ACSS3: variants seen among roughly 807,000 people sequenced by gnomAD.
The protein encoded by ACSS3 is acyl-CoA synthetase short-chain family member 3, mitochondrial.
In ACSS3, 64 loss-of-function variants were observed where a neutral mutation model predicts 84.2. That is an observed-to-expected ratio of 0.76 (90% CI 0.62 to 0.94). The LOEUF (loss-of-function observed/expected upper bound fraction) is 0.94. ACSS3 is among the 40% of genes least tolerant of loss of function. The pLI is 0.00. For synonymous variants in ACSS3, 317 were observed against 310.1 expected, an observed-to-expected ratio of 1.02 and a Z score of -0.23; for missense variants, 815 against 867.6, an observed-to-expected ratio of 0.94 and a Z score of 0.76.
intron 11 of ACSS3, among the ~76,000 whole-genome samples, chr12:81,222,017 T>C (rs960661459): frequency 3.3e-5 from 5 of 152,060 alleles, no homozygotes; most frequent in Non-Finnish European, 7.4e-5. Context: ...TAATAAAATA[T>C]AGCAGTGTCC....
chr12:81,148,979 C>G (rs948682452), intron 5 of ACSS3, among the ~76,000 whole-genome samples: 12 of 150,540 alleles, frequency 8.0e-5, no homozygotes, highest in African/African-American at 2.7e-4. Flanking sequence ...ACTCGAGAGG[C>G]TGAGGCAGGA....
At chr12:81,091,251 C>A (rs143053810) in intron 1 of ACSS3, among the ~76,000 whole-genome samples, 1 of 151,688 alleles carries the variant, frequency 6.6e-6, no homozygotes, top group African/African-American at 2.4e-5. Context: ...AGATTGTCAT[C>A]TTTTAGTAAA....
Position 81,216,963 on chromosome 12 carries a change from G to C in ACSS3, c.1417G>C (p.Gly473Arg), listed in dbSNP as rs1272466258. Residue 473 changes from glycine (G) to arginine (R), a missense_variant, in exon 10 of 16, where the codon GGG becomes CGG. Physicochemically the swap from Gly to Arg is moderately radical, Grantham distance 125 (BLOSUM62 -2). Transcript: ENST00000548058. ...AGGCAATTCTAAAACACCTCCACCAGGGCAAGCAGGAAAAAGCGTCCCAGG... is the reference window on the plus strand; with the variant it reads ...AGGCAATTCTAAAACACCTCCACCACGGCAAGCAGGAAAAAGCGTCCCAGG... ...GLGNSKTPPP[G>R]QAGKSVPGYN... 1 of 1,611,288 alleles carries C rather than the reference G, an allele frequency of 6.2e-7. No homozygotes were observed. Among genetic ancestry groups the C allele is most frequent in the South Asian group, 1.1e-5 (1 of 91,042 alleles).
chr12:81,151,867 A>T lies in ACSS3; in HGVS notation c.945A>T (p.Gly315=). 1 of 1,613,664 alleles carries T rather than the reference A, an allele frequency of 6.2e-7. No individual in the cohort carries two copies. The highest frequency in any genetic ancestry group is 1.3e-5 in the African/African-American group (1 of 75,004). The change falls in exon 6 of 16, where the codon GGA becomes GGT. Residue 315 remains glycine (G), a synonymous_variant. Coordinates refer to ENST00000548058, the MANE Select transcript of ACSS3 (RefSeq NM_024560.4). ...AGGGTGTGATTAGGCCCACTGGGGG[A>T]TACGCTGTCATGCTACACTGGTCAA... The part of the protein sequence containing the change: ...LPKGVIRPTG[G]YAVMLHWSMS...
intron 7 of ACSS3, among the ~76,000 whole-genome samples, chr12:81,168,300 G>A (rs1010483886): frequency 2.6e-5 from 4 of 152,108 alleles, no homozygotes; most frequent in African/African-American, 9.7e-5. Context: ...TCTTTAAGGA[G>A]CATTTTGTGT....
chr12:81,113,437 T>G (rs969967512), intron 2 of ACSS3, among the ~76,000 whole-genome samples: 1 of 152,160 alleles, frequency 6.6e-6, no homozygotes, highest in African/African-American at 2.4e-5. Flanking sequence ...ATAAATTCAT[T>G]TTTTCACTTT....
chr12:81,189,447 G>T (rs899647759), intron 8 of ACSS3, among the ~76,000 whole-genome samples: 1 of 152,094 alleles, frequency 6.6e-6, no homozygotes, highest in Admixed American at 6.6e-5. Context: ...TGTCAAAGTT[G>T]TTAATGAGGT....
chr12:81,257,447 A>C lies in ACSS3; in HGVS notation c.*2525A>C, dbSNP rs2034343114. On this transcript the variant is annotated 3_prime_UTR_variant, in exon 16 of 16. Coordinates refer to ENST00000548058, the MANE Select transcript of ACSS3 (RefSeq NM_024560.4). Reference sequence around the variant, plus strand: ...TAAATGTATCTTTAAAAACAACAATATAATATTACTAAAAAATGCAGACAT... The same window carrying C: ...TAAATGTATCTTTAAAAACAACAATCTAATATTACTAAAAAATGCAGACAT... The C allele has an allele frequency of 6.6e-6, 1 of 152,178 alleles. No homozygotes were observed. Among genetic ancestry groups the C allele is most frequent in the African/African-American group, 2.4e-5 (1 of 41,444 alleles). The allele number at this position is 152,178 out of a possible 1,614,324, so 9.4% of individuals were successfully genotyped here.
At chr12:81,133,796 A>G (rs191713131) in intron 2 of ACSS3, among the ~76,000 whole-genome samples, 1 of 152,166 alleles carries the variant, frequency 6.6e-6, no homozygotes, top group Admixed American at 6.6e-5. Flanking sequence ...CAGGGTAGAG[A>G]TTATTGTCTT....
Position 81,112,337 on chromosome 12 carries a change from A to G in ACSS3, c.456+2633A>G, listed in dbSNP as rs151318398. ...TGATACATAATCAAACATCGCAGTC[A>G]GGGAAAAAGCTTTAGAGAAACCTAA... On this transcript the variant is annotated intron_variant, in intron 2 of 15. Transcript: ENST00000548058. Among the ~76,000 whole-genome samples, 288 of 152,344 alleles carry G rather than the reference A, an allele frequency of 1.9e-3. 1 individual carries two copies. The highest frequency in any genetic ancestry group is 6.6e-3 in the African/African-American group (276 of 41,592).
chr12:81,087,071 G>T (rs1881366491), intron 1 of ACSS3, among the ~76,000 whole-genome samples: 1 of 152,116 alleles, frequency 6.6e-6, no homozygotes, highest in African/African-American at 2.4e-5. Context: ...ATTAAAATTT[G>T]TGAATTTTGA....
intron 15 of ACSS3, among the ~76,000 whole-genome samples, chr12:81,254,484 G>T (rs2034246797): frequency 6.6e-6 from 1 of 152,024 alleles, no homozygotes; most frequent in Non-Finnish European, 1.5e-5. Context: ...CATTATGTGT[G>T]CAAAGATATA....
intron 1 of ACSS3, among the ~76,000 whole-genome samples, chr12:81,097,518 C>T (rs1251060319): frequency 6.6e-6 from 1 of 152,112 alleles, no homozygotes; most frequent in Non-Finnish European, 1.5e-5. Flanking sequence ...TCTCAAACAC[C>T]TCCCTGCTTC....
rs763465928 is a variant in ACSS3, at chr12:81,134,858, A to G, written c.499A>G (p.Lys167Glu). The stretch of plus-strand genomic sequence containing the variant: ...TGTCTTGGTCAAGCATGGCATCAAG[A>G]AAGGTGACACTGTGGTTATCTACAT... Reference protein sequence around the residue: ...AGVLVKHGIKKGDTVVIYMPM... With the variant: ...AGVLVKHGIKEGDTVVIYMPM... Residue 167 changes from lysine (K) to glutamate (E), a missense_variant, in exon 3 of 16, where the codon AAA (lysine) becomes GAA (glutamate). Lys to Glu is a moderately conservative substitution (Grantham distance 56). Coordinates refer to ENST00000548058, the MANE Select transcript of ACSS3 (RefSeq NM_024560.4). 3.8e-6 allele frequency: 6 copies of G among 1,590,362 alleles called. No individual in the cohort carries two copies. The highest frequency in any genetic ancestry group is 5.1e-6 in the Non-Finnish European group (6 of 1,166,328).
intron 7 of ACSS3, among the ~76,000 whole-genome samples, chr12:81,170,364 T>G (rs188790649): frequency 1.3e-5 from 2 of 152,266 alleles, no homozygotes; most frequent in East Asian, 3.9e-4. Context: ...TTTTGGTAAC[T>G]GTTTTGGTTT....
intron 7 of ACSS3, among the ~76,000 whole-genome samples, chr12:81,171,069 C>T (rs2030002772): frequency 6.6e-6 from 1 of 152,106 alleles, no homozygotes. Flanking sequence ...ACACAAATAG[C>T]TTGCAGCATA....
intron 10 of ACSS3, among the ~76,000 whole-genome samples, chr12:81,218,483 G>A (rs2032999055): frequency 6.6e-6 from 1 of 151,986 alleles, no homozygotes; most frequent in African/African-American, 2.4e-5. Context: ...TGGATCATTT[G>A]GTTTAACCTA....
chr12:81,154,774 C>T (rs1886780509), intron 7 of ACSS3, among the ~76,000 whole-genome samples: 1 of 152,154 alleles, frequency 6.6e-6, no homozygotes, highest in African/African-American at 2.4e-5. Flanking sequence ...TATTTTTTCT[C>T]TTACTAGAGT....
At position 81,078,164 on chromosome 12, in the gene ACSS3, G is replaced by T. The variant is rs868840230; in HGVS notation, c.44G>T (p.Gly15Val). Residue 15 changes from glycine (G) to valine (V), a missense_variant, in exon 1 of 16, where the codon GGG (glycine) becomes GTG (valine). Gly to Val is a moderately radical substitution (Grantham distance 109). Coordinates refer to ENST00000548058, the MANE Select transcript of ACSS3 (RefSeq NM_024560.4). ...CAGTGTCGTAAAGTCACCAGCGCCG[G>T]GGGGCTCGGAGGGCCCTTGCCTGGG... The part of the protein sequence containing the change: ...WLQCRKVTSA[G>V]GLGGPLPGSS... The T allele has an allele frequency of 2.6e-6, 4 of 1,519,128 alleles. No individual in the cohort carries two copies. In the African/African-American group the frequency reaches 4.2e-5, roughly 16 times the overall value. The allele number at this position is 1,519,128 out of a possible 1,614,324, so 94.1% of individuals were successfully genotyped here. A position where few individuals can be genotyped will look rare whatever the true frequency, so the allele number is the denominator to read the frequency against.
Sources: gnomAD v4.1 joint callset for allele counts (sites outside exome capture counted in the v4.1 genomes callset) on GRCh38, gnomAD v4.1.1 for gene constraint, MANE v1.5 for transcripts, NCBI Gene and HGNC (gene_info 2026-07-23, HGNC 2026-07-21) for gene names.